NPR3: variants seen among roughly 807,000 people sequenced by gnomAD.
The protein encoded by NPR3 is atrial natriuretic peptide receptor 3.
NPR3 carries 34 observed loss-of-function variants against 54.5 expected under a neutral mutation model. The ratio of observed to expected loss-of-function variants is 0.62; its 90% confidence interval spans 0.47 to 0.83. The LOEUF (loss-of-function observed/expected upper bound fraction) is 0.83. Ranked by LOEUF, NPR3 falls within the 40% of genes least tolerant of loss-of-function variation. The pLI is 0.00. For missense variants in NPR3, 674 were observed against 720.8 expected (o/e 0.94, Z 0.74); for synonymous variants, 289 against 297.1 (o/e 0.97, Z 0.28).
intron 3 of NPR3, among the ~76,000 whole-genome samples, chr5:32,742,224 G>C (rs1158950033): frequency 6.6e-6 from 1 of 152,000 alleles, no homozygotes; most frequent in African/African-American, 2.4e-5. Context: ...TCTCTCATTT[G>C]TTCTAAAATT....
chr5:32,716,367 A>AT (rs1738546251), intron 1 of NPR3: 2 of 411,964 alleles, frequency 4.9e-6, no homozygotes, highest in Admixed American at 2.7e-5. Flanking sequence ...ATAACATGCT[A>AT]CTTTTTTTTT....
intron 1 of NPR3, among the ~76,000 whole-genome samples, chr5:32,698,804 G>A (rs1334097735): frequency 6.6e-6 from 1 of 151,874 alleles, no homozygotes; most frequent in South Asian, 2.1e-4. Context: ...CCCCTTTTTG[G>A]TTTCTATTTG....
At chr5:32,778,153 T>C (rs564360835) in intron 4 of NPR3, among the ~76,000 whole-genome samples, 2 of 151,840 alleles carry the variant, frequency 1.3e-5, no homozygotes, top group East Asian at 2.0e-4. Flanking sequence ...CATCTTGATG[T>C]CTCTATTCTA....
At position 32,782,892 on chromosome 5, in the gene NPR3, G is replaced by A; in HGVS notation, c.1291-1G>A. On this transcript the variant is annotated splice_acceptor_variant, in intron 5 of 7. Coordinates refer to ENST00000265074, the MANE Select transcript of NPR3 (RefSeq NM_001204375.2). LOFTEE classifies it high-confidence loss of function. ...TCTATTTGTTTTTTGCCTCTATATA[G>A]GTTATTGGTGATTATTTTGGAAAAG... 1 of 1,610,260 alleles carries A rather than the reference G, an allele frequency of 6.2e-7. No individual in the cohort carries two copies. Among genetic ancestry groups the A allele is most frequent in the Non-Finnish European group, 8.5e-7 (1 of 1,178,102 alleles).
intron 2 of NPR3, among the ~76,000 whole-genome samples, chr5:32,730,642 A>G (rs1288091294): frequency 1.3e-5 from 2 of 152,234 alleles, no homozygotes; most frequent in Admixed American, 1.3e-4. Flanking sequence ...ATACAGGTTC[A>G]ACATACAAAA....
At chr5:32,699,274 G>A (rs1269361810) in intron 1 of NPR3, among the ~76,000 whole-genome samples, 3 of 152,008 alleles carry the variant, frequency 2.0e-5, no homozygotes, top group African/African-American at 4.8e-5. Context: ...AAAACTCTGC[G>A]CTTCATTTTT....
intron 3 of NPR3, among the ~76,000 whole-genome samples, chr5:32,764,788 C>CAAAAAAAA (rs568944478): frequency 0.051 from 1,872 of 36,522 alleles, 167 homozygotes; most frequent in Non-Finnish European, 0.075. Context: ...GGGTCCATCT[C>CAAAAAAAA]AAAAAAAAAA....
chr5:32,774,557 A>G, intron 3 of NPR3, 151 bp from the exon 4 acceptor site: 1 of 669,760 alleles, frequency 1.5e-6, no homozygotes, highest in Non-Finnish European at 2.7e-6. Context: ...CAGGAAAGTC[A>G]TGGCGTGATT....
intron 2 of NPR3, among the ~76,000 whole-genome samples, chr5:32,730,540 T>C (rs549762692): frequency 6.6e-5 from 10 of 152,314 alleles, no homozygotes; most frequent in African/African-American, 2.4e-4. Flanking sequence ...ATCTGCTGTT[T>C]TGTGCAGATG....
chr5:32,731,523 A>C (rs1739447855), intron 2 of NPR3, among the ~76,000 whole-genome samples: 1 of 152,206 alleles, frequency 6.6e-6, no homozygotes, highest in Admixed American at 6.5e-5. Context: ...CTCAGTAATA[A>C]ATGAGGTGAC....
intron 6 of NPR3, among the ~76,000 whole-genome samples, chr5:32,784,519 C>G (rs920194714): frequency 1.9e-4 from 29 of 152,126 alleles, no homozygotes; most frequent in African/African-American, 5.8e-4. Context: ...TCCTCTGATT[C>G]TTGAATTTTC....
intron 3 of NPR3, among the ~76,000 whole-genome samples, chr5:32,772,377 G>A (rs923332304): frequency 2.6e-5 from 4 of 152,148 alleles, no homozygotes; most frequent in South Asian, 2.1e-4. Context: ...ACCTGTCAGC[G>A]CCAGGACTGG....
rs768386100 is a variant in NPR3, at chr5:32,712,007, G to T, written c.231G>T (p.Glu77Asp). 2 of 1,613,342 alleles carry T rather than the reference G, an allele frequency of 1.2e-6. No individual in the cohort carries two copies. Among genetic ancestry groups the T allele is most frequent in the African/African-American group, 1.3e-5 (1 of 74,928 alleles). ...FSLTRVRPAIEYALRSVEGNG... is the reference protein window; with the variant it reads ...FSLTRVRPAIDYALRSVEGNG... ...TCACCCGGGTGCGGCCGGCCATCGA[G>T]TATGCTCTGCGCAGCGTGGAGGGCA... The change falls in exon 1 of 8, where the codon GAG becomes GAT. Residue 77 changes from glutamate to aspartate, a missense_variant. Transcript: ENST00000265074.
intron 3 of NPR3, among the ~76,000 whole-genome samples, chr5:32,744,254 G>A (rs1235227427): frequency 6.6e-6 from 1 of 152,130 alleles, no homozygotes; most frequent in Non-Finnish European, 1.5e-5. Flanking sequence ...GCCTCCCAAA[G>A]TGCTGGGATT....
upstream of NPR3, among the ~76,000 whole-genome samples, chr5:32,706,978 G>A (rs1738014029): frequency 6.6e-6 from 1 of 152,002 alleles, no homozygotes; most frequent in Non-Finnish European, 1.5e-5. Flanking sequence ...ACTTTTTGAA[G>A]TCCCCATTCA....
chr5:32,789,660 A>G lies in NPR3; in HGVS notation c.*3315A>G, dbSNP rs746218940. 1 of 534,626 alleles carries G rather than the reference A, an allele frequency of 1.9e-6. No individual in the cohort carries two copies. Among genetic ancestry groups the G allele is most frequent in the Non-Finnish European group, 3.8e-6 (1 of 260,092 alleles). The allele number at this position is 534,626 out of a possible 1,614,324, so 33.1% of individuals were successfully genotyped here. ...AAAATCATTAATTTACTCAAGGCAC[A>G]TGTGCCTTCTTTGCCCCAAATGCAT... On this transcript the variant is annotated 3_prime_UTR_variant, in exon 8 of 8. Coordinates refer to ENST00000265074, the MANE Select transcript of NPR3 (RefSeq NM_001204375.2).
chr5:32,739,983 C>T (rs1739956437), intron 3 of NPR3, among the ~76,000 whole-genome samples: 3 of 152,262 alleles, frequency 2.0e-5, no homozygotes, highest in Middle Eastern at 6.8e-3. Flanking sequence ...TGGGCTCAAG[C>T]GATCCTCCAA....
Position 32,783,002 on chromosome 5 carries a change from A to C in NPR3, c.1400A>C (p.His467Pro). Residue 467 changes from histidine to proline, a missense_variant, in exon 6 of 8, where the codon CAT becomes CCT. His to Pro is a moderately conservative substitution (Grantham distance 77). Coordinates refer to ENST00000265074, the MANE Select transcript of NPR3 (RefSeq NM_001204375.2). ...ATAGATGAAAACCGAATTGTAGAGCATACAAACAGCTCTCCCTGCAAATCA... is the reference window on the plus strand; with the variant it reads ...ATAGATGAAAACCGAATTGTAGAGCCTACAAACAGCTCTCCCTGCAAATCA... ...LRIDENRIVEHTNSSPCKSSG... is the reference protein window; with the variant it reads ...LRIDENRIVEPTNSSPCKSSG... The C allele has an allele frequency of 6.2e-7, 1 of 1,604,280 alleles. No individual in the cohort carries two copies. Among genetic ancestry groups the C allele is most frequent in the Non-Finnish European group, 8.5e-7 (1 of 1,174,650 alleles).
At chr5:32,706,867 T>TG (rs1461255606), upstream of NPR3, among the ~76,000 whole-genome samples, 1 of 152,218 alleles carries the variant, frequency 6.6e-6, no homozygotes, top group African/African-American at 2.4e-5. Flanking sequence ...ACTACATGGT[T>TG]GGGATCACCA....
Sources: allele counts gnomAD v4.1 joint callset (sites outside exome capture counted in the v4.1 genomes callset), GRCh38; gene constraint gnomAD v4.1.1; transcripts MANE v1.5; gene names NCBI Gene and HGNC (gene_info 2026-07-23, HGNC 2026-07-21).